ITPR2: variants seen among roughly 807,000 people sequenced by gnomAD.
The protein encoded by ITPR2 is inositol 1,4,5-trisphosphate-gated calcium channel ITPR2.
In ITPR2, 207 loss-of-function variants were observed where a neutral mutation model predicts 317.1. The ratio of observed to expected loss-of-function variants is 0.65; its 90% CI spans 0.58 to 0.73. The LOEUF (loss-of-function observed/expected upper bound fraction) is 0.73, where lower values mean the gene tolerates loss of function less well. Ranked by LOEUF, ITPR2 falls within the 30% of genes least tolerant of loss-of-function variation. The probability of loss-of-function intolerance (pLI) is 0.00; values close to 1 mark genes in which losing one functional copy is unlikely to be tolerated. For synonymous variants in ITPR2, 1,156 were observed against 1,149.1 expected, an observed-to-expected ratio of 1.01 and a Z score of -0.12; for missense variants, 2,613 against 3,284.0, an observed-to-expected ratio of 0.80 and a Z score of 4.99.
intron 55 of ITPR2, among the ~76,000 whole-genome samples, chr12:26,366,333 T>C (rs1453412058): frequency 1.3e-5 from 2 of 152,226 alleles, no homozygotes; most frequent in Admixed American, 1.3e-4. Context: ...TGCCAACAAT[T>C]CTTTCTGCTA....
intron 1 of ITPR2, among the ~76,000 whole-genome samples, chr12:26,813,888 G>A (rs1325402590): frequency 1.3e-5 from 2 of 152,186 alleles, no homozygotes; most frequent in African/African-American, 4.8e-5. Flanking sequence ...GTGGCTTCGT[G>A]AAGGTAAAGG....
chr12:26,521,775 A>G (rs1302121762), intron 37 of ITPR2, among the ~76,000 whole-genome samples: 2 of 152,210 alleles, frequency 1.3e-5, no homozygotes, highest in East Asian at 3.8e-4. Flanking sequence ...GCCAGACTCA[A>G]TTATGTCAGG....
intron 26 of ITPR2, among the ~76,000 whole-genome samples, chr12:26,615,641 G>A (rs1390576079): frequency 3.9e-5 from 6 of 152,122 alleles, no homozygotes; most frequent in African/African-American, 9.7e-5. Flanking sequence ...GAAGACATGG[G>A]ATAAAATAAT....
At chr12:26,625,409 T>C (rs1946600235) in intron 23 of ITPR2, among the ~76,000 whole-genome samples, 2 of 152,084 alleles carry the variant, frequency 1.3e-5, no homozygotes. Flanking sequence ...TTATTACACA[T>C]TGTATACCTG....
At chr12:26,584,669 A>G (rs1945479328) in intron 32 of ITPR2, among the ~76,000 whole-genome samples, 2 of 152,208 alleles carry the variant, frequency 1.3e-5, no homozygotes, top group Non-Finnish European at 2.9e-5. Context: ...ACAGGTGCCT[A>G]CTGAACATTT....
At position 26,476,789 on chromosome 12, in the gene ITPR2, T is replaced by C. The variant is rs1311234356; in HGVS notation, c.6219+123A>G. The C allele has an allele frequency of 6.2e-6, 4 of 640,592 alleles. No homozygotes were observed. The East Asian group carries it at 1.1e-4, about 18-fold the overall frequency. 39.7% of individuals were successfully genotyped at this position (640,592 alleles called of 1,614,324 possible). ...CTGAGGTATTGGTAATGGTAGGTCA[T>C]GATGTTCCATTTGTCTTGGTAGAGC... On this transcript the variant is annotated intron_variant, in intron 44 of 56. Transcript: ENST00000381340.
intron 21 of ITPR2, among the ~76,000 whole-genome samples, chr12:26,650,631 T>C (rs993773227): frequency 3.3e-5 from 5 of 152,232 alleles, no homozygotes; most frequent in African/African-American, 1.2e-4. Context: ...AATAAAATAC[T>C]CTTCATGGTG....
At chr12:26,360,957 T>A (rs960392215) in intron 55 of ITPR2, among the ~76,000 whole-genome samples, 1 of 152,102 alleles carries the variant, frequency 6.6e-6, no homozygotes, top group Non-Finnish European at 1.5e-5. Flanking sequence ...CTCACGCCTG[T>A]AATCCCAAAA....
intron 52 of ITPR2, 69 bp from the exon 53 acceptor site, chr12:26,400,327 A>G (rs1940133012): frequency 2.2e-6 from 2 of 899,914 alleles, no homozygotes; most frequent in Admixed American, 3.3e-5. Flanking sequence ...TACACATAAA[A>G]TGAAATATAC....
chr12:26,711,108 A>G (rs1948635625), intron 9 of ITPR2, 65 bp downstream of exon 9: 1 of 1,075,542 alleles, frequency 9.3e-7, no homozygotes, highest in Admixed American at 1.7e-5. Flanking sequence ...CTTGTGGCGA[A>G]CCCAACTGCC....
At chr12:26,716,345 A>T in intron 5 of ITPR2, 103 bp from the exon 6 acceptor site, 1 of 671,718 alleles carries the variant, frequency 1.5e-6, no homozygotes, top group Non-Finnish European at 2.6e-6. Context: ...TTGATCTGAC[A>T]TCTGGTCCTT....
intron 2 of ITPR2, among the ~76,000 whole-genome samples, chr12:26,729,947 T>C (rs1948999407): frequency 6.6e-6 from 1 of 151,928 alleles, no homozygotes; most frequent in Non-Finnish European, 1.5e-5. Flanking sequence ...CTTGTAACCC[T>C]GAAGTTAAAA....
At chr12:26,656,571 C>G (rs781075197) in intron 18 of ITPR2, 23 bp from the exon 19 acceptor site, 4 of 1,611,734 alleles carry the variant, frequency 2.5e-6, no homozygotes, top group Non-Finnish European at 3.4e-6. Context: ...AAACATATTA[C>G]ATTATTGTCT....
chr12:26,351,546 CAGG>C (rs1938485449), intron 55 of ITPR2, among the ~76,000 whole-genome samples: 1 of 152,170 alleles, frequency 6.6e-6, no homozygotes, highest in Non-Finnish European at 1.5e-5. Context: ...ACCAGCTACT[CAGG>C]AGATTGAGGT....
At chr12:26,632,170 G>A (rs746690147) in intron 21 of ITPR2, 111 bp from the exon 22 acceptor site, 5 of 725,254 alleles carry the variant, frequency 6.9e-6, no homozygotes, top group Non-Finnish European at 8.3e-6. Flanking sequence ...AAGGATTCAG[G>A]ATAAGACAGA....
intron 2 of ITPR2, among the ~76,000 whole-genome samples, chr12:26,776,219 T>C (rs1266077661): frequency 2.6e-5 from 4 of 152,058 alleles, no homozygotes; most frequent in African/African-American, 9.7e-5. Flanking sequence ...TCACCACTCA[T>C]GAGAGGCAAG....
intron 9 of ITPR2, 139 bp downstream of exon 9, chr12:26,711,034 C>A: frequency 3.4e-6 from 2 of 581,600 alleles, no homozygotes; most frequent in Non-Finnish European, 6.2e-6. Context: ...AATTTATATG[C>A]CAATCCAGAA....
Position 26,622,266 on chromosome 12 carries a change from C to T in ITPR2, c.3262G>A (p.Ala1088Thr), listed in dbSNP as rs1337881466. Reference protein sequence around the residue: ...QLLFKHFSQRAEVLQAFKQVQ... With the variant: ...QLLFKHFSQRTEVLQAFKQVQ... ...TGCTTAAATGCCTGTAAAACCTCTG[C>T]CCTCTGGCTGAAGTGCTTAAACAAC... is the stretch of plus-strand genomic sequence containing the variant. The change falls in exon 25 of 57, where the codon GCA becomes ACA. Residue 1088 changes from alanine to threonine, a missense_variant. Physicochemically the swap from Ala to Thr is moderately conservative, Grantham distance 58 (BLOSUM62 0). This residue lies in a region of ITPR2 where 817 missense variants were observed against 897.6 expected (regional missense o/e 0.91). Coordinates refer to ENST00000381340, the MANE Select transcript of ITPR2 (RefSeq NM_002223.4). The T allele has an allele frequency of 2.5e-6, 4 of 1,613,142 alleles. No homozygotes were observed. The highest frequency in any genetic ancestry group is 1.1e-5 in the South Asian group (1 of 90,946).
At chr12:26,489,398 T>C (rs1467364042) in intron 39 of ITPR2, among the ~76,000 whole-genome samples, 1 of 152,132 alleles carries the variant, frequency 6.6e-6, no homozygotes, top group East Asian at 1.9e-4. Context: ...GTGGTGAGGA[T>C]GGAGATGGCT....
Sources: allele counts gnomAD v4.1 joint callset (sites outside exome capture counted in the v4.1 genomes callset), GRCh38; gene constraint gnomAD v4.1.1; regional missense constraint gnomAD v4.1.1; transcripts MANE v1.5; gene names NCBI Gene and HGNC (gene_info 2026-07-23, HGNC 2026-07-21).